Variants in RFTN2 observed in about 807,000 individuals in gnomAD.
The protein encoded by RFTN2 is raftlin family member 2, also known as raftlin-2.
In RFTN2, 34 loss-of-function variants were observed where a neutral mutation model predicts 52.7. The ratio of observed to expected loss-of-function variants is 0.64; its 90% CI spans 0.49 to 0.86. RFTN2 has a LOEUF of 0.86. Ranked by LOEUF, RFTN2 falls within the 40% of genes least tolerant of loss-of-function variation. The pLI is 0.00. For missense variants in RFTN2, 536 were observed against 600.1 expected, an observed-to-expected ratio of 0.89 and a Z score of 1.12; for synonymous variants, 203 against 217.7, an observed-to-expected ratio of 0.93 and a Z score of 0.59.
In RFTN2 at chr2:197,596,052, G is replaced by A; in HGVS notation, c.1172C>T (p.Thr391Ile). The A allele has an allele frequency of 6.2e-7, 1 of 1,610,160 alleles. No homozygotes were observed. The highest frequency in any genetic ancestry group is 8.5e-7 in the Non-Finnish European group (1 of 1,176,792). ...CCTCTGAAGGAATACGATCTGCTTT[G>A]TAGCCAAATTCCCTTCACTGCAAAT... is the stretch of plus-strand genomic sequence containing the variant. ...LRHDSEGNLA[T>I]KQIVFLQRPV... The change falls in exon 8 of 9, where the codon ACA becomes ATA. Residue 391 changes from threonine to isoleucine, a missense_variant. Physicochemically the swap from Thr to Ile is moderately conservative, Grantham distance 89 (BLOSUM62 -1). Coordinates refer to ENST00000295049, the MANE Select transcript of RFTN2 (RefSeq NM_144629.3).
At chr2:197,627,106 T>C (rs2088377124) in intron 5 of RFTN2, among the ~76,000 whole-genome samples, 1 of 152,236 alleles carries the variant, frequency 6.6e-6, no homozygotes, top group South Asian at 2.1e-4. Context: ...AGCCATACTG[T>C]TGCTTGCCTT....
At chr2:197,608,788 C>A (rs939783291) in intron 7 of RFTN2, among the ~76,000 whole-genome samples, 1 of 152,018 alleles carries the variant, frequency 6.6e-6, no homozygotes, top group Non-Finnish European at 1.5e-5. Flanking sequence ...CCCCAGCTCC[C>A]CACCCCACAA....
chr2:197,658,773 T>G (rs542841205), intron 1 of RFTN2, among the ~76,000 whole-genome samples: 14 of 152,296 alleles, frequency 9.2e-5, no homozygotes, highest in African/African-American at 2.9e-4. Context: ...TTAATGAGTG[T>G]GGTTGGTTAC....
chr2:197,585,195 C>T (rs1021210900), intron 8 of RFTN2, among the ~76,000 whole-genome samples: 2 of 152,190 alleles, frequency 1.3e-5, no homozygotes, highest in Non-Finnish European at 2.9e-5. Flanking sequence ...TACATCCCTT[C>T]ATTCTATTAA....
chr2:197,640,185 TC>T (rs2088639733), intron 3 of RFTN2, among the ~76,000 whole-genome samples: 2 of 152,228 alleles, frequency 1.3e-5, no homozygotes, highest in South Asian at 4.1e-4. Context: ...GTTACTGCTG[TC>T]TTTTTGTCTG....
At chr2:197,652,541 T>C (rs928999740) in intron 1 of RFTN2, among the ~76,000 whole-genome samples, 1 of 152,216 alleles carries the variant, frequency 6.6e-6, no homozygotes, top group Non-Finnish European at 1.5e-5. Context: ...GAGAGATATA[T>C]AATGAAATAC....
intron 7 of RFTN2, among the ~76,000 whole-genome samples, chr2:197,603,048 G>T (rs1209605227): frequency 6.6e-6 from 1 of 152,184 alleles, no homozygotes. Flanking sequence ...ATAGGAACGG[G>T]AACATCACAC....
chr2:197,619,812 C>T (rs1017247928), intron 5 of RFTN2, among the ~76,000 whole-genome samples: 1 of 148,166 alleles, frequency 6.7e-6, no homozygotes, highest in Non-Finnish European at 1.5e-5. Context: ...TTGGCTGAAT[C>T]AATAATCTCC....
At chr2:197,592,192 CAA>C (rs2087727517) in intron 8 of RFTN2, among the ~76,000 whole-genome samples, 1 of 152,086 alleles carries the variant, frequency 6.6e-6, no homozygotes, top group Non-Finnish European at 1.5e-5. Context: ...GTAAAAGAAA[CAA>C]GAGAAAAATT....
At chr2:197,632,769 A>C (rs1190876329) in intron 4 of RFTN2, among the ~76,000 whole-genome samples, 1 of 152,134 alleles carries the variant, frequency 6.6e-6, no homozygotes, top group Non-Finnish European at 1.5e-5. Context: ...TATGTGGCTA[A>C]ATGAATCTCT....
intron 8 of RFTN2, among the ~76,000 whole-genome samples, chr2:197,587,015 C>T (rs891275962): frequency 2.0e-5 from 3 of 152,150 alleles, no homozygotes; most frequent in Admixed American, 6.5e-5. Flanking sequence ...GTCCTGGGTC[C>T]TCCCAATTCT....
chr2:197,623,618 G>A (rs1377718771), intron 5 of RFTN2, among the ~76,000 whole-genome samples: 12 of 151,882 alleles, frequency 7.9e-5, no homozygotes, highest in African/African-American at 1.2e-4. Flanking sequence ...AGCTGGGACC[G>A]CAGGCGTGCA....
chr2:197,629,964 T>A (rs1380540681), intron 5 of RFTN2, among the ~76,000 whole-genome samples: 1 of 152,176 alleles, frequency 6.6e-6, no homozygotes, highest in East Asian at 1.9e-4. Context: ...ACTCAAGTGA[T>A]CTGCCTGCCT....
chr2:197,605,142 T>C (rs118001376), intron 7 of RFTN2, among the ~76,000 whole-genome samples: 2 of 152,262 alleles, frequency 1.3e-5, no homozygotes, highest in East Asian at 1.9e-4. Context: ...TGTAGAAGAA[T>C]AGTTGTAGAT....
intron 1 of RFTN2, among the ~76,000 whole-genome samples, chr2:197,648,944 TAGAC>T (rs1301922659): frequency 1.3e-5 from 2 of 152,248 alleles, no homozygotes; most frequent in African/African-American, 4.8e-5. Context: ...TCTTGGCTGT[TAGAC>T]TGAGAATTCC....
chr2:197,668,529 G>C (rs1300925195), intron 1 of RFTN2, among the ~76,000 whole-genome samples: 2 of 152,176 alleles, frequency 1.3e-5, no homozygotes, highest in Admixed American at 1.3e-4. Context: ...GTGGTAGCCT[G>C]TGGTCATTGA....
intron 5 of RFTN2, among the ~76,000 whole-genome samples, chr2:197,626,596 A>G (rs1160604683): frequency 2.0e-5 from 3 of 149,270 alleles, no homozygotes; most frequent in Non-Finnish European, 4.4e-5. Flanking sequence ...TAAAGTTAAA[A>G]TAAAAAAAAG....
At chr2:197,664,148 C>T (rs2089017971) in intron 1 of RFTN2, among the ~76,000 whole-genome samples, 1 of 151,866 alleles carries the variant, frequency 6.6e-6, no homozygotes, top group Non-Finnish European at 1.5e-5. Flanking sequence ...CCATTGTGGT[C>T]TGAGAAGACA....
intron 1 of RFTN2, among the ~76,000 whole-genome samples, chr2:197,672,097 A>G (rs922841099): frequency 2.6e-5 from 4 of 152,238 alleles, no homozygotes; most frequent in African/African-American, 9.6e-5. Context: ...TTACTTTATC[A>G]TAATACAGTG....
Sources: gnomAD v4.1 joint callset for allele counts (sites outside exome capture counted in the v4.1 genomes callset) on GRCh38, gnomAD v4.1.1 for gene constraint, MANE v1.5 for transcripts, NCBI Gene and HGNC (gene_info 2026-07-23, HGNC 2026-07-21) for gene names.